Variants in ZNF782 observed in about 807,000 individuals in gnomAD.
ZNF782 encodes zinc finger protein 782.
ZNF782 carries 12 observed loss-of-function variants against 13.0 expected under a neutral mutation model. The ratio of observed to expected loss-of-function variants is 0.92; its 90% CI spans 0.59 to 1.50. The LOEUF is 1.50. Ranked by LOEUF, ZNF782 falls within the 40% of genes most tolerant of loss-of-function variation. The pLI, the probability that ZNF782 is intolerant of heterozygous loss-of-function variation, is 0.00. For missense variants in ZNF782, 770 were observed against 822.9 expected, an observed-to-expected ratio of 0.94 and a Z score of 0.79; for synonymous variants, 284 against 283.0, an observed-to-expected ratio of 1.00 and a Z score of -0.04.
intron 4 of ZNF782, among the ~76,000 whole-genome samples, chr9:96,836,737 G>C (rs760488001): frequency 6.6e-6 from 1 of 152,188 alleles, no homozygotes; most frequent in Non-Finnish European, 1.5e-5. Context: ...GTGGGGCTTA[G>C]TGGGAGATGT....
At chr9:96,888,990 G>C in the ZNF782 span, 1 of 152,198 alleles carries the variant, frequency 6.6e-6, no homozygotes, top group African/African-American at 2.4e-5. Context: ...ATCCTCAAGA[G>C]CTTTTTCCAA....
the ZNF782 span, chr9:96,895,276 G>C: frequency 6.6e-6 from 1 of 152,204 alleles, no homozygotes; most frequent in Non-Finnish European, 1.5e-5. Flanking sequence ...ACTGTAGTTA[G>C]AAAGTCCGAT....
chr9:96,887,736 C>G, the ZNF782 span: 1 of 152,036 alleles, frequency 6.6e-6, no homozygotes, highest in Admixed American at 6.6e-5. Context: ...TATTGCAGCG[C>G]TATTCACAAT....
upstream of ZNF782, among the ~76,000 whole-genome samples, chr9:96,855,103 C>G (rs989291746): frequency 1.3e-5 from 2 of 152,178 alleles, no homozygotes; most frequent in African/African-American, 4.8e-5. Flanking sequence ...GCGGGTCGAG[C>G]CCGGTGCTGC....
chr9:96,867,566 C>T lies in ZNF782; in HGVS notation c.-456-5963G>A, dbSNP rs192668955. ...CCCTACCAAAAGGCATATCATAAAA[C>T]GGGTTTAGTCTAGCCAAGATGTCTC... On this transcript the variant is annotated intron_variant, in intron 1 of 5. Coordinates refer to the ZNF782 transcript ENST00000498811. Among the ~76,000 whole-genome samples the T allele has an allele frequency of 2.3e-3, 354 of 152,292 alleles. 2 individuals are homozygous for T. The highest frequency in any genetic ancestry group is 8.0e-3 in the African/African-American group (331 of 41,566).
chr9:96,840,861 G>C (rs1851167087), intron 4 of ZNF782, among the ~76,000 whole-genome samples: 1 of 151,896 alleles, frequency 6.6e-6, no homozygotes, highest in African/African-American at 2.4e-5. Flanking sequence ...GCTAGACAAA[G>C]AGCACAATAA....
intron 1 of ZNF782, among the ~76,000 whole-genome samples, chr9:96,868,937 A>G (rs1851792938): frequency 6.6e-6 from 1 of 152,142 alleles, no homozygotes; most frequent in Non-Finnish European, 1.5e-5. Context: ...CTTCATTAAT[A>G]ATGATGTCGA....
chr9:96,880,939 A>C, the ZNF782 span, among the ~76,000 whole-genome samples: 4 of 152,164 alleles, frequency 2.6e-5, no homozygotes, highest in African/African-American at 9.6e-5. Flanking sequence ...CATGTTTTAA[A>C]CTATGAATTC....
the ZNF782 span, among the ~76,000 whole-genome samples, chr9:96,883,607 A>G: frequency 2.6e-5 from 4 of 152,218 alleles, no homozygotes. Flanking sequence ...AACCAATAGA[A>G]GGGAGCTCTG....
At chr9:96,879,401 GC>G (rs1358393501), upstream of ZNF782, among the ~76,000 whole-genome samples, 2 of 152,212 alleles carry the variant, frequency 1.3e-5, no homozygotes, top group Admixed American at 6.5e-5. Flanking sequence ...TACTCGGGAG[GC>G]TGAGGCAGGA....
chr9:96,855,709 A>G (rs757298441), upstream of ZNF782, among the ~76,000 whole-genome samples: 2 of 152,272 alleles, frequency 1.3e-5, no homozygotes, highest in Non-Finnish European at 2.9e-5. Flanking sequence ...TTGTGCTGCT[A>G]TAACCATGCA....
chr9:96,853,590 G>C (rs7863930), intron 1 of ZNF782, among the ~76,000 whole-genome samples: 3,864 of 152,284 alleles, frequency 0.025, 171 homozygotes, highest in African/African-American at 0.088. Context: ...CCAGGAACCT[G>C]TCTGACCCAA....
At chr9:96,863,349 AT>A (rs1851725456) in intron 1 of ZNF782, among the ~76,000 whole-genome samples, 3 of 144,626 alleles carry the variant, frequency 2.1e-5, no homozygotes, top group African/African-American at 5.7e-5. Flanking sequence ...TAATTTAAAA[AT>A]AAAAAAAAAA....
At chr9:96,912,245 C>T in the ZNF782 span, among the ~76,000 whole-genome samples, 1 of 144,592 alleles carries the variant, frequency 6.9e-6, no homozygotes, top group African/African-American at 2.5e-5. Context: ...AGGCCAGGCG[C>T]AGTGGCTCAC....
At chr9:96,909,919 T>C in the ZNF782 span, among the ~76,000 whole-genome samples, 728 of 151,176 alleles carry the variant, frequency 4.8e-3, 10 homozygotes, top group Non-Finnish European at 8.1e-3. Flanking sequence ...AAGATCCCGA[T>C]TGGCTGCTCT....
At chr9:96,847,994 G>T (rs758985529) in intron 3 of ZNF782, among the ~76,000 whole-genome samples, 10 of 152,198 alleles carry the variant, frequency 6.6e-5, no homozygotes, top group Non-Finnish European at 8.8e-5. Flanking sequence ...TCACCTCAGG[G>T]ATGCAGGGAT....
chr9:96,887,183 A>T, the ZNF782 span, among the ~76,000 whole-genome samples: 8 of 150,640 alleles, frequency 5.3e-5, no homozygotes, highest in Admixed American at 2.0e-4. Context: ...GTGTGGTGGC[A>T]CACGCCTGTA....
chr9:96,846,159 G>T (rs564201425), intron 3 of ZNF782, among the ~76,000 whole-genome samples: 1 of 152,226 alleles, frequency 6.6e-6, no homozygotes, highest in East Asian at 1.9e-4. Flanking sequence ...GGACTTTGTC[G>T]TTACCAAACC....
the ZNF782 span, among the ~76,000 whole-genome samples, chr9:96,918,089 T>A: frequency 6.6e-6 from 1 of 151,060 alleles, no homozygotes; most frequent in Non-Finnish European, 1.5e-5. Context: ...TATGGGAGAA[T>A]ATTTATGATT....
Sources: gnomAD v4.1 joint callset for allele counts (sites outside exome capture counted in the v4.1 genomes callset) on GRCh38, gnomAD v4.1.1 for gene constraint, MANE v1.5 for transcripts, NCBI Gene and HGNC (gene_info 2026-07-23, HGNC 2026-07-21) for gene names.